The following FAT3 variants were observed in gnomAD, a reference collection of about 807,000 sequenced individuals.
The protein encoded by FAT3 is protocadherin Fat 3.
In FAT3, 95 loss-of-function variants were observed where a neutral mutation model predicts 310.2. That is an observed-to-expected ratio of 0.31 (90% CI 0.26 to 0.36). FAT3 has a LOEUF of 0.36. Ranked by LOEUF, FAT3 falls within the 10% of genes least tolerant of loss-of-function variation. The pLI is 1.00. For synonymous variants in FAT3, 2,314 were observed against 2,192.9 expected, an observed-to-expected ratio of 1.06 and a Z score of -1.54; for missense variants, 5,408 against 5,715.6, an observed-to-expected ratio of 0.95 and a Z score of 1.74.
chr11:92,578,923 G>A lies in FAT3; in HGVS notation c.3607+53975G>A, dbSNP rs78292415. ...AATTAAGTATGTGGCTTTGACAGAC[G>A]TGTTGAAAGGAATGAAAAACTGATG... is the stretch of plus-strand genomic sequence containing the variant. On this transcript the variant is annotated intron_variant, in intron 3 of 27. Transcript: ENST00000525166. Among the ~76,000 whole-genome samples the A allele has an allele frequency of 4.6e-5, 7 of 152,176 alleles. No homozygotes were observed. In the South Asian group the frequency reaches 6.2e-4, roughly 14 times the overall value.
At chr11:92,480,049 A>G (rs1348264512) in intron 2 of FAT3, among the ~76,000 whole-genome samples, 1 of 152,006 alleles carries the variant, frequency 6.6e-6, no homozygotes, top group Non-Finnish European at 1.5e-5. Context: ...GCGGATCACA[A>G]GGTCAGAAGA....
At chr11:92,869,575 T>C (rs1949335862) in intron 22 of FAT3, among the ~76,000 whole-genome samples, 3 of 152,216 alleles carry the variant, frequency 2.0e-5, no homozygotes, top group Admixed American at 1.3e-4. Context: ...CTATTGTCTA[T>C]ACCAATAGTA....
At chr11:92,292,233 A>G (rs536877424) in intron 1 of FAT3, among the ~76,000 whole-genome samples, 1 of 152,236 alleles carries the variant, frequency 6.6e-6, no homozygotes, top group East Asian at 1.9e-4. Context: ...TTTTTAAAAT[A>G]TGCTAAGTGT....
intron 3 of FAT3, among the ~76,000 whole-genome samples, chr11:92,537,526 C>T (rs189389488): frequency 6.6e-6 from 1 of 152,232 alleles, no homozygotes; most frequent in Non-Finnish European, 1.5e-5. Flanking sequence ...GGGGTAGACA[C>T]TAGTTCCAGG....
chr11:92,839,917 G>A (rs962763419), intron 17 of FAT3, among the ~76,000 whole-genome samples: 2 of 152,170 alleles, frequency 1.3e-5, no homozygotes, highest in African/African-American at 2.4e-5. Flanking sequence ...GGACTTCCAA[G>A]AATTCTGACA....
chr11:92,561,901 C>T (rs1955239820), intron 3 of FAT3, among the ~76,000 whole-genome samples: 1 of 152,302 alleles, frequency 6.6e-6, no homozygotes, highest in Admixed American at 6.5e-5. Context: ...GCTGGGATTA[C>T]AGGCGTGAAC....
At chr11:92,736,770 A>G (rs544494890) in intron 4 of FAT3, among the ~76,000 whole-genome samples, 25 of 152,342 alleles carry the variant, frequency 1.6e-4, no homozygotes, top group African/African-American at 5.8e-4. Context: ...TATCTGGGCA[A>G]TAAAGTGAGA....
intron 3 of FAT3, among the ~76,000 whole-genome samples, chr11:92,611,071 G>A (rs1940539592): frequency 6.6e-6 from 1 of 151,914 alleles, no homozygotes; most frequent in African/African-American, 2.4e-5. Flanking sequence ...CCTAGTTCAG[G>A]GAAAAATGAG....
chr11:92,647,877 C>T (rs1005330364), intron 3 of FAT3, among the ~76,000 whole-genome samples: 1 of 151,946 alleles, frequency 6.6e-6, no homozygotes, highest in African/African-American at 2.4e-5. Flanking sequence ...GTTAAAAGTA[C>T]AGAACAGGAA....
intron 3 of FAT3, among the ~76,000 whole-genome samples, chr11:92,594,268 C>A (rs773869461): frequency 2.0e-5 from 3 of 152,156 alleles, no homozygotes; most frequent in Non-Finnish European, 4.4e-5. Flanking sequence ...CATGGAGAAA[C>A]CCTGTCTCTA....
chr11:92,765,190 G>T (rs1310965584), intron 6 of FAT3, 101 bp downstream of exon 6: 15 of 1,012,392 alleles, frequency 1.5e-5, no homozygotes, highest in Non-Finnish European at 2.1e-5. Flanking sequence ...CTAACAATTA[G>T]TGCCAAGATT....
intron 2 of FAT3, among the ~76,000 whole-genome samples, chr11:92,445,565 C>A (rs1196541333): frequency 6.6e-6 from 1 of 152,116 alleles, no homozygotes; most frequent in Non-Finnish European, 1.5e-5. Context: ...CTGTGACTCA[C>A]CCTTAGAATC....
intron 7 of FAT3, among the ~76,000 whole-genome samples, chr11:92,784,043 G>A (rs1946826175): frequency 6.6e-6 from 1 of 152,146 alleles, no homozygotes; most frequent in African/African-American, 2.4e-5. Context: ...CTTTTAATGT[G>A]TGTGTAACTT....
intron 3 of FAT3, among the ~76,000 whole-genome samples, chr11:92,610,001 A>T (rs1940487956): frequency 6.6e-6 from 1 of 152,162 alleles, no homozygotes; most frequent in Non-Finnish European, 1.5e-5. Flanking sequence ...TTGTACATTG[A>T]TACTGCACAA....
Position 92,798,090 on chromosome 11 carries a change from A to G in FAT3, c.5077A>G (p.Ile1693Val), listed in dbSNP as rs71473491. ...NVDIGTSVILISAISQSTLIY... is the reference protein window; with the variant it reads ...NVDIGTSVILVSAISQSTLIY... ...TGACATTGGAACATCAGTCATTCTA[A>G]TCTCTGCCATCAGTCAATCTACCCT... The change falls in exon 10 of 28, where the codon ATC becomes GTC. Residue 1693 changes from isoleucine (I) to valine (V), a missense_variant. By Grantham distance (29) the Ile-to-Val change is conservative. Coordinates refer to ENST00000525166, the MANE Select transcript of FAT3 (RefSeq NM_001367949.2). 3.4e-5 allele frequency: 55 copies of G among 1,613,814 alleles called. No individual in the cohort carries two copies. The highest frequency in any genetic ancestry group is 5.0e-5 in the Admixed American group (3 of 60,002).
At chr11:92,524,266 A>T (rs1953778971) in intron 2 of FAT3, among the ~76,000 whole-genome samples, 1 of 152,106 alleles carries the variant, frequency 6.6e-6, no homozygotes, top group African/African-American at 2.4e-5. Context: ...CTGATACTAT[A>T]CTGATTTCCC....
At chr11:92,654,312 T>A (rs955997878) in intron 3 of FAT3, among the ~76,000 whole-genome samples, 4 of 152,162 alleles carry the variant, frequency 2.6e-5, no homozygotes, top group Admixed American at 2.6e-4. Flanking sequence ...CATGGATGAT[T>A]CACCAAAATG....
chr11:92,674,784 C>T (rs1471119118), intron 3 of FAT3, among the ~76,000 whole-genome samples: 1 of 152,140 alleles, frequency 6.6e-6, no homozygotes, highest in East Asian at 1.9e-4. Flanking sequence ...CCACTTCGGC[C>T]TCCCAAAGTG....
chr11:92,306,004 A>T (rs886256319), intron 1 of FAT3, among the ~76,000 whole-genome samples: 9 of 152,144 alleles, frequency 5.9e-5, no homozygotes, highest in Admixed American at 4.6e-4. Flanking sequence ...GGAAAAGCTG[A>T]GTAAAGGGTA....
Sources: gnomAD v4.1 joint callset for allele counts (sites outside exome capture counted in the v4.1 genomes callset) on GRCh38, gnomAD v4.1.1 for gene constraint, MANE v1.5 for transcripts, NCBI Gene and HGNC (gene_info 2026-07-23, HGNC 2026-07-21) for gene names.